Variants in SLC35F4 observed in about 807,000 individuals in gnomAD.
SLC35F4 encodes solute carrier family 35 member F4, also known as chromosome 14 open reading frame 36.
In SLC35F4, 24 loss-of-function variants were observed where a neutral mutation model predicts 44.2. That is an observed-to-expected ratio of 0.54 (90% CI 0.39 to 0.76). The LOEUF is 0.76. Among genes scored for constraint, SLC35F4 ranks in the 30% least tolerant of loss-of-function variants. SLC35F4 has a pLI of 0.00. For synonymous variants in SLC35F4, 238 were observed against 223.6 expected (o/e 1.06, Z -0.57); for missense variants, 562 against 586.1 (o/e 0.96, Z 0.42).
intron 1 of SLC35F4, among the ~76,000 whole-genome samples, chr14:57,622,067 A>G (rs2072212253): frequency 6.7e-6 from 1 of 149,148 alleles, no homozygotes; most frequent in Admixed American, 6.7e-5. Context: ...ACATGAAAAA[A>G]TGCTCGCCAT....
intron 1 of SLC35F4, among the ~76,000 whole-genome samples, chr14:57,786,068 G>A (rs1342700946): frequency 6.6e-6 from 1 of 152,158 alleles, no homozygotes; most frequent in African/African-American, 2.4e-5. Context: ...ACTCAGGGCT[G>A]TTGGGGGTAG....
intron 1 of SLC35F4, among the ~76,000 whole-genome samples, chr14:57,813,606 T>C (rs1323675439): frequency 1.3e-5 from 2 of 152,094 alleles, no homozygotes; most frequent in Non-Finnish European, 2.9e-5. Context: ...TTATAAAAAG[T>C]ATTTTATAAG....
chr14:57,832,887 G>C (rs1258648750), intron 1 of SLC35F4, among the ~76,000 whole-genome samples: 1 of 152,078 alleles, frequency 6.6e-6, no homozygotes, highest in East Asian at 1.9e-4. Context: ...GAGAAAACGT[G>C]GTGAAATATT....
At chr14:57,857,347 T>A (rs957029470) in intron 1 of SLC35F4, among the ~76,000 whole-genome samples, 2 of 151,968 alleles carry the variant, frequency 1.3e-5, no homozygotes, top group Admixed American at 6.5e-5. Flanking sequence ...GATGCACAAA[T>A]GCAGAAGTTA....
At chr14:57,705,814 T>C (rs2075658251) in intron 1 of SLC35F4, among the ~76,000 whole-genome samples, 1 of 152,210 alleles carries the variant, frequency 6.6e-6, no homozygotes, top group Non-Finnish European at 1.5e-5. Context: ...TGTTTCCTAC[T>C]GGGAAACTAA....
intron 1 of SLC35F4, among the ~76,000 whole-genome samples, chr14:57,820,992 G>A (rs1278748382): frequency 6.6e-6 from 1 of 152,188 alleles, no homozygotes; most frequent in African/African-American, 2.4e-5. Context: ...TTTTCAGCTT[G>A]ATTTACTTTA....
intron 1 of SLC35F4, among the ~76,000 whole-genome samples, chr14:57,736,686 T>C (rs1426573763): frequency 6.6e-6 from 1 of 152,192 alleles, no homozygotes; most frequent in Non-Finnish European, 1.5e-5. Flanking sequence ...TATCTGACCA[T>C]GAACCTGACC....
chr14:57,849,151 A>G (rs1270777760), intron 1 of SLC35F4, among the ~76,000 whole-genome samples: 2 of 152,096 alleles, frequency 1.3e-5, no homozygotes, highest in Admixed American at 1.3e-4. Flanking sequence ...CATAAAAAAG[A>G]ATCACAACAT....
chr14:57,590,226 C>CAAAAAAAAAAAAAAAAAAAAAA (rs55850524), intron 2 of SLC35F4, among the ~76,000 whole-genome samples: 26 of 119,162 alleles, frequency 2.2e-4, no homozygotes, highest in Non-Finnish European at 3.1e-4. Flanking sequence ...CTTGTCTATG[C>CAAAAAAAAAAAAAAAAAAAAAA]AAAAAAAAAA....
At chr14:57,944,696 AAAG>A (rs1889980710) in intron 1 of SLC35F4, among the ~76,000 whole-genome samples, 2 of 16,466 alleles carry the variant, frequency 1.2e-4, no homozygotes, top group Non-Finnish European at 3.1e-4. Flanking sequence ...GAAAGAAAGA[AAAG>A]AAAGAAAGAA....
intron 1 of SLC35F4, among the ~76,000 whole-genome samples, chr14:57,871,646 G>C (rs1343418316): frequency 1.3e-5 from 2 of 152,148 alleles, no homozygotes; most frequent in Non-Finnish European, 2.9e-5. Context: ...TTGCCAAATA[G>C]TCATGGTTCT....
intron 1 of SLC35F4, among the ~76,000 whole-genome samples, chr14:57,744,301 T>C (rs1031918631): frequency 6.6e-6 from 1 of 152,204 alleles, no homozygotes; most frequent in African/African-American, 2.4e-5. Flanking sequence ...TGTTTGCAGA[T>C]GACATGATTG....
intron 1 of SLC35F4, among the ~76,000 whole-genome samples, chr14:57,941,113 A>G (rs539296570): frequency 1.7e-4 from 26 of 152,124 alleles, no homozygotes; most frequent in Admixed American, 1.3e-3. Context: ...TAATAATGCA[A>G]TCTCTGTGGA....
chr14:57,863,362 G>A (rs1196040396), intron 1 of SLC35F4, among the ~76,000 whole-genome samples: 2 of 152,200 alleles, frequency 1.3e-5, no homozygotes, highest in Non-Finnish European at 2.9e-5. Flanking sequence ...ACAGCAGGAT[G>A]CATTAACAGA....
At chr14:57,626,596 A>G (rs1281456247) in intron 1 of SLC35F4, among the ~76,000 whole-genome samples, 1 of 152,154 alleles carries the variant, frequency 6.6e-6, no homozygotes, top group Non-Finnish European at 1.5e-5. Context: ...TGCACACTCA[A>G]CAAGGAATCC....
chr14:57,926,352 A>T (rs146163903), intron 1 of SLC35F4, among the ~76,000 whole-genome samples: 1 of 152,290 alleles, frequency 6.6e-6, no homozygotes, highest in Non-Finnish European at 1.5e-5. Flanking sequence ...TTTGTTGCCT[A>T]CTTTCACCGA....
intron 1 of SLC35F4, among the ~76,000 whole-genome samples, chr14:57,758,919 ACCATTCTATC>A (rs2077058705): frequency 6.6e-6 from 1 of 152,118 alleles, no homozygotes; most frequent in Non-Finnish European, 1.5e-5. Flanking sequence ...CTTGGAAACC[ACCATTCTATC>A]CTCTTTCTAT....
chr14:57,709,930 T>C (rs1265625160), intron 1 of SLC35F4, among the ~76,000 whole-genome samples: 2 of 152,150 alleles, frequency 1.3e-5, no homozygotes, highest in African/African-American at 4.8e-5. Context: ...GATTATGCAA[T>C]AGAAACGAAA....
intron 1 of SLC35F4, among the ~76,000 whole-genome samples, chr14:57,809,966 C>A (rs921694167): frequency 1.3e-5 from 2 of 152,202 alleles, no homozygotes; most frequent in South Asian, 4.1e-4. Flanking sequence ...TCTCTTTAAA[C>A]CTGGTCAGGT....
Sources: gnomAD v4.1 joint callset for allele counts (sites outside exome capture counted in the v4.1 genomes callset) on GRCh38, gnomAD v4.1.1 for gene constraint, MANE v1.5 for transcripts, NCBI Gene and HGNC (gene_info 2026-07-23, HGNC 2026-07-21) for gene names.